Variants in KLHL1 observed in about 807,000 individuals in gnomAD.
KLHL1 encodes the protein kelch-like protein 1.
A neutral mutation model predicts 77.7 loss-of-function variants in KLHL1; 47 were observed. The observed-to-expected ratio is 0.60, with a 90% CI of 0.48 to 0.77. The LOEUF (loss-of-function observed/expected upper bound fraction) is 0.77, where lower values mean the gene tolerates loss of function less well. KLHL1 is among the 30% of genes least tolerant of loss of function. KLHL1 has a pLI of 0.00. For synonymous variants in KLHL1, 360 were observed against 325.2 expected (o/e 1.11, Z -1.15); for missense variants, 925 against 910.8 (o/e 1.02, Z -0.20).
intron 7 of KLHL1, among the ~76,000 whole-genome samples, chr13:69,791,926 A>C (rs1876891877): frequency 6.6e-6 from 1 of 152,160 alleles, no homozygotes; most frequent in South Asian, 2.1e-4. Flanking sequence ...AAATAAATAG[A>C]ATTTCATGAA....
At chr13:69,848,627 C>T (rs1879565855) in intron 5 of KLHL1, among the ~76,000 whole-genome samples, 1 of 151,430 alleles carries the variant, frequency 6.6e-6, no homozygotes, top group Admixed American at 6.6e-5. Flanking sequence ...CCATGGCTGT[C>T]ACTTCAAAAT....
At chr13:69,846,859 A>G (rs1395533427) in intron 5 of KLHL1, among the ~76,000 whole-genome samples, 2 of 18,426 alleles carry the variant, frequency 1.1e-4, no homozygotes, top group East Asian at 0.017. Flanking sequence ...TTGTAATAAT[A>G]CATAAATTAT....
intron 1 of KLHL1, among the ~76,000 whole-genome samples, chr13:70,100,383 T>G (rs1391760503): frequency 6.6e-6 from 1 of 152,174 alleles, no homozygotes; most frequent in African/African-American, 2.4e-5. Context: ...TCCTGCCACG[T>G]TGCTAAGCTT....
At chr13:69,847,889 T>G (rs1326040251) in intron 5 of KLHL1, among the ~76,000 whole-genome samples, 1 of 151,600 alleles carries the variant, frequency 6.6e-6, no homozygotes, top group Non-Finnish European at 1.5e-5. Context: ...TATTATCTCA[T>G]AAGCTGCAGA....
At chr13:69,727,995 C>T (rs1340077728) in intron 8 of KLHL1, among the ~76,000 whole-genome samples, 1 of 151,864 alleles carries the variant, frequency 6.6e-6, no homozygotes, top group African/African-American at 2.4e-5. Flanking sequence ...TGGAATGATT[C>T]CCCCCATCAC....
intron 6 of KLHL1, among the ~76,000 whole-genome samples, chr13:69,799,329 T>C (rs1407355235): frequency 6.6e-6 from 1 of 152,142 alleles, no homozygotes; most frequent in Non-Finnish European, 1.5e-5. Flanking sequence ...AGGAAATAGT[T>C]AGGAATGAGT....
chr13:69,897,515 G>A (rs1358556499), intron 4 of KLHL1, among the ~76,000 whole-genome samples: 1 of 152,188 alleles, frequency 6.6e-6, no homozygotes, highest in Non-Finnish European at 1.5e-5. Flanking sequence ...TCCTTGAAAC[G>A]TAGTTATACT....
At chr13:70,105,605 T>G (rs2137460054) in intron 1 of KLHL1, among the ~76,000 whole-genome samples, 1 of 151,512 alleles carries the variant, frequency 6.6e-6, no homozygotes, top group East Asian at 1.9e-4. Context: ...TTTGAATATA[T>G]AAGGTGAATT....
At chr13:70,038,805 G>C (rs551529714) in intron 1 of KLHL1, among the ~76,000 whole-genome samples, 1 of 151,796 alleles carries the variant, frequency 6.6e-6, no homozygotes, top group Non-Finnish European at 1.5e-5. Flanking sequence ...TGGCCAGGCT[G>C]GTCTCAAACT....
intron 1 of KLHL1, among the ~76,000 whole-genome samples, chr13:70,084,854 TTC>T (rs746895065): frequency 1.3e-5 from 2 of 151,990 alleles, no homozygotes; most frequent in Non-Finnish European, 2.9e-5. Flanking sequence ...TGTTCACAGA[TTC>T]TGTTTTCTTA....
chr13:69,925,233 C>G (rs535766269), intron 4 of KLHL1, among the ~76,000 whole-genome samples: 1 of 152,286 alleles, frequency 6.6e-6, no homozygotes, highest in East Asian at 1.9e-4. Flanking sequence ...AATTTGAATT[C>G]TAGCTCCAAC....
chr13:69,879,008 A>G (rs981854667), intron 5 of KLHL1, among the ~76,000 whole-genome samples: 1 of 152,132 alleles, frequency 6.6e-6, no homozygotes, highest in Non-Finnish European at 1.5e-5. Flanking sequence ...AGGAGAAAAA[A>G]TCAAACACCA....
chr13:69,998,905 G>A (rs1280371403), intron 1 of KLHL1, among the ~76,000 whole-genome samples: 2 of 151,944 alleles, frequency 1.3e-5, no homozygotes, highest in Non-Finnish European at 2.9e-5. Flanking sequence ...TGGCTTCTTA[G>A]TGGCTTTAAT....
chr13:69,732,470 T>C (rs1873588180), intron 8 of KLHL1, among the ~76,000 whole-genome samples: 1 of 152,092 alleles, frequency 6.6e-6, no homozygotes, highest in Non-Finnish European at 1.5e-5. Flanking sequence ...ACAAACTTTT[T>C]AAGCTGTTGT....
intron 1 of KLHL1, among the ~76,000 whole-genome samples, chr13:70,008,259 T>G (rs1818922487): frequency 1.3e-5 from 2 of 152,088 alleles, no homozygotes; most frequent in African/African-American, 2.4e-5. Flanking sequence ...AACTGATTAT[T>G]GTTATTCTTC....
At chr13:70,010,042 G>A (rs1885495720) in intron 1 of KLHL1, among the ~76,000 whole-genome samples, 1 of 151,908 alleles carries the variant, frequency 6.6e-6, no homozygotes, top group African/African-American at 2.4e-5. Context: ...AAAAAAAAAA[G>A]CAAGGCATGA....
At chr13:69,787,812 AAAAAAC>A (rs1307288187) in intron 7 of KLHL1, among the ~76,000 whole-genome samples, 1 of 151,768 alleles carries the variant, frequency 6.6e-6, no homozygotes, top group Non-Finnish European at 1.5e-5. Context: ...ATTTACAAGA[AAAAAAC>A]AAACAACCCC....
intron 9 of KLHL1, among the ~76,000 whole-genome samples, chr13:69,715,525 A>T (rs74562861): frequency 2.6e-4 from 34 of 132,326 alleles, no homozygotes; most frequent in East Asian, 4.2e-4. Flanking sequence ...TTTATTATTT[A>T]TTTTTTTTTT....
At chr13:69,824,945 T>A (rs545048020) in intron 6 of KLHL1, among the ~76,000 whole-genome samples, 5 of 152,242 alleles carry the variant, frequency 3.3e-5, no homozygotes, top group African/African-American at 1.2e-4. Context: ...CTAATGATAA[T>A]ATGTATCCAA....
Sources: gnomAD v4.1 joint callset for allele counts (sites outside exome capture counted in the v4.1 genomes callset) on GRCh38, gnomAD v4.1.1 for gene constraint, MANE v1.5 for transcripts, NCBI Gene and HGNC (gene_info 2026-07-23, HGNC 2026-07-21) for gene names.